The following GGT1 variants were observed in gnomAD, a reference collection of about 807,000 sequenced individuals.
GGT1 encodes glutathione hydrolase 1 proenzyme.
GGT1 carries 21 observed loss-of-function variants against 56.0 expected under a neutral mutation model. That is an observed-to-expected ratio of 0.38 (90% CI 0.27 to 0.54). The LOEUF (loss-of-function observed/expected upper bound fraction) is 0.54, where lower values mean the gene tolerates loss of function less well. Among genes scored for constraint, GGT1 ranks in the 20% least tolerant of loss-of-function variants. The probability of loss-of-function intolerance (pLI) is 0.82; values close to 1 mark genes in which losing one functional copy is unlikely to be tolerated. For synonymous variants in GGT1, 238 were observed against 342.6 expected, an observed-to-expected ratio of 0.69 and a Z score of 3.37; for missense variants, 466 against 787.0, an observed-to-expected ratio of 0.59 and a Z score of 4.88.
chr22:24,628,292 C>G lies in GGT1; in HGVS notation c.1467C>G (p.Leu489=). Reference sequence around the variant, plus strand: ...TGCCCCAGGCCATCATCTACAACCTCTGGTTCGGCTATGACGTGAAGCGGG... The same window carrying G: ...TGCCCCAGGCCATCATCTACAACCTGTGGTTCGGCTATGACGTGAAGCGGG... ...TATALAIIYN[L]WFGYDVKRAV... is the part of the protein sequence containing the mutation. Residue 489 remains leucine, a synonymous_variant, in exon 15 of 16, where the codon CTC becomes CTG. Transcript: ENST00000400382. The surrounding 1 kb of genome is among the most constrained non-coding windows in gnomAD (Gnocchi z 5.7). 1 of 1,611,958 alleles carries G rather than the reference C, an allele frequency of 6.2e-7. No individual in the cohort carries two copies. Among genetic ancestry groups the G allele is most frequent in the Non-Finnish European group, 8.5e-7 (1 of 1,179,848 alleles).
chr22:24,601,094 G>A (rs1354872117), upstream of GGT1, among the ~76,000 whole-genome samples: 2 of 152,130 alleles, frequency 1.3e-5, no homozygotes, highest in Non-Finnish European at 2.9e-5. Context: ...CTTGGTGCAG[G>A]ACACCAGGAG....
chr22:24,615,238 C>T (rs1365880498), intron 7 of GGT1, 111 bp downstream of exon 7: 4 of 709,332 alleles, frequency 5.6e-6, no homozygotes, highest in South Asian at 5.2e-5. Flanking sequence ...AGTTCTGTCA[C>T]CCCCCATCCC....
chr22:24,600,021 C>T (rs1431952994), upstream of GGT1, among the ~76,000 whole-genome samples: 1 of 152,208 alleles, frequency 6.6e-6, no homozygotes, highest in African/African-American at 2.4e-5. Context: ...TCTTCCTCCA[C>T]CCCCATCCCC....
intron 5 of GGT1, among the ~76,000 whole-genome samples, chr22:24,613,908 G>C (rs5760499): frequency 6.6e-6 from 1 of 151,338 alleles, no homozygotes. Context: ...AAAATTGCCA[G>C]GTGTGGTGGT....
intron 9 of GGT1, among the ~76,000 whole-genome samples, chr22:24,621,449 A>T (rs2047403056): frequency 6.6e-6 from 1 of 151,584 alleles, no homozygotes; most frequent in Non-Finnish European, 1.5e-5. Context: ...GGCCCAGTAG[A>T]GGGCGCTTTG....
intron 1 of GGT1, among the ~76,000 whole-genome samples, chr22:24,606,179 G>A (rs2046313618): frequency 7.0e-6 from 1 of 142,862 alleles, no homozygotes; most frequent in African/African-American, 2.6e-5. Context: ...GGGTACATGT[G>A]CACAACGTAC....
chr22:24,619,973 C>A (rs4049860), intron 7 of GGT1, among the ~76,000 whole-genome samples: 18 of 149,276 alleles, frequency 1.2e-4, no homozygotes, highest in African/African-American at 4.3e-4. Flanking sequence ...TACACTCCTA[C>A]CTGCTGAGCC....
intron 7 of GGT1, among the ~76,000 whole-genome samples, chr22:24,616,764 C>G (rs2047098601): frequency 6.6e-6 from 1 of 151,936 alleles, no homozygotes; most frequent in African/African-American, 2.4e-5. Context: ...CCAGGCTGGT[C>G]TCGATCTCCT....
upstream of GGT1, among the ~76,000 whole-genome samples, chr22:24,594,499 G>A (rs1363050776): frequency 6.6e-6 from 1 of 151,768 alleles, no homozygotes; most frequent in East Asian, 1.9e-4. Context: ...GATGGCAGTG[G>A]GGAGAGGGCA....
At chr22:24,613,198 CCT>C (rs1278938052) in intron 5 of GGT1, among the ~76,000 whole-genome samples, 1 of 152,136 alleles carries the variant, frequency 6.6e-6, no homozygotes, top group Non-Finnish European at 1.5e-5. Context: ...ACCTCAGCCC[CCT>C]GAGTAGCTAG....
At chr22:24,602,787 T>C (rs2045805827), upstream of GGT1, among the ~76,000 whole-genome samples, 1 of 152,138 alleles carries the variant, frequency 6.6e-6, no homozygotes, top group African/African-American at 2.4e-5. Flanking sequence ...TCCCCTGCCC[T>C]GGGGTTGTAG....
intron 7 of GGT1, among the ~76,000 whole-genome samples, chr22:24,619,926 C>G (rs1334249760): frequency 2.0e-5 from 3 of 150,920 alleles, no homozygotes; most frequent in Admixed American, 6.6e-5. Context: ...GCTACTGCTT[C>G]CCCTGCTGTG....
upstream of GGT1, among the ~76,000 whole-genome samples, chr22:24,599,744 CAGTG>C (rs1452508635): frequency 2.0e-5 from 3 of 152,304 alleles, no homozygotes; most frequent in Admixed American, 2.0e-4. Flanking sequence ...GCAGACTCGT[CAGTG>C]AGAGCATTCC....
rs563935707 is a variant in GGT1, at chr22:24,622,003, T to C, written c.733+933T>C. 4.1e-5 allele frequency among the ~76,000 whole-genome samples: 6 copies of C among 147,650 alleles called. No homozygotes were observed. The East Asian group carries it at 1.2e-3, about 30-fold the overall frequency. ...GGGCTGAGGTTGCAGTGAGCCGAGA[T>C]TGCACCACTGCACTCCACAGAGTGA... On this transcript the variant is annotated intron_variant, in intron 9 of 15. Transcript: ENST00000400382.
At position 24,620,737 on chromosome 22, in the gene GGT1, G is replaced by C; in HGVS notation, c.576-176G>C. The C allele has an allele frequency of 6.9e-7, 1 of 1,459,410 alleles. No homozygotes were observed. Among genetic ancestry groups the C allele is most frequent in the South Asian group, 1.5e-5 (1 of 68,822 alleles). 90.4% of individuals were successfully genotyped at this position (1,459,410 alleles called of 1,614,324 possible). A position where few individuals can be genotyped will look rare whatever the true frequency, so the allele number is the denominator to read the frequency against. On this transcript the variant is annotated intron_variant, in intron 8 of 15. Coordinates refer to ENST00000400382, the MANE Select transcript of GGT1 (RefSeq NM_001288833.2). The surrounding 1 kb of genome is among the most constrained non-coding windows in gnomAD (Gnocchi z 5.6). Reference sequence around the variant, plus strand: ...TGGCCATGTGTCCTGAGTGGCAAGGGACACTAGGAAGCTCCCGGAAGGGAC... The same window carrying C: ...TGGCCATGTGTCCTGAGTGGCAAGGCACACTAGGAAGCTCCCGGAAGGGAC...
rs1569047757 is a variant in GGT1, at chr22:24,605,101, ATT to A, written c.-429+1575_-429+1576del. 1.5e-3 allele frequency among the ~76,000 whole-genome samples: 42 copies of A among 28,596 alleles called. 10 individuals are homozygous for A. Among genetic ancestry groups the A allele is most frequent in the South Asian group, 2.3e-3 (2 of 868 alleles). 18.8% of individuals were successfully genotyped at this position (28,596 alleles called of 152,430 possible). ...ATATAAAGTATATTATATAATATGT[ATT>A]ATATTATATATTATATAATATGTAA... On this transcript the variant is annotated intron_variant, in intron 1 of 15. Transcript: ENST00000400382.
At chr22:24,592,813 CCAGACCCT>C, upstream of GGT1, 1 of 1,266,704 alleles carries the variant, frequency 7.9e-7, no homozygotes, top group Non-Finnish European at 1.0e-6. Context: ...CCCCAGACCC[CCAGACCCT>C]CCCTGGCCGC....
At chr22:24,623,982 C>T in intron 11 of GGT1, 66 bp downstream of exon 11, 1 of 1,600,068 alleles carries the variant, frequency 6.2e-7, no homozygotes, top group Non-Finnish European at 8.5e-7. Flanking sequence ...GTGGGCTCCC[C>T]AGGGTGGCTA....
At chr22:24,602,433 T>A (rs5760493), upstream of GGT1, among the ~76,000 whole-genome samples, 30,820 of 152,214 alleles carry the variant, frequency 0.2, 3,891 homozygotes, top group Admixed American at 0.32. Context: ...TGAGCCTTGC[T>A]AAGAGTGACA....
Sources: allele counts gnomAD v4.1 joint callset (sites outside exome capture counted in the v4.1 genomes callset), GRCh38; gene constraint gnomAD v4.1.1; non-coding constraint Gnocchi (gnomAD v3.1); transcripts MANE v1.5; gene names NCBI Gene and HGNC (gene_info 2026-07-23, HGNC 2026-07-21).